C1R: variants seen among roughly 807,000 people sequenced by gnomAD.
The protein encoded by C1R is complement C1r.
A neutral mutation model predicts 27.6 loss-of-function variants in C1R; 15 were observed. The observed-to-expected ratio is 0.54, with a 90% CI of 0.36 to 0.84. The LOEUF (loss-of-function observed/expected upper bound fraction) is 0.84, where lower values mean the gene tolerates loss of function less well. Among genes scored for constraint, C1R ranks in the 40% least tolerant of loss-of-function variants. C1R has a pLI of 0.01. For missense variants in C1R, 544 were observed against 577.9 expected (o/e 0.94, Z 0.60); for synonymous variants, 253 against 228.8 (o/e 1.11, Z -0.95).
At position 7,089,880 on chromosome 12, in the gene C1R, G is replaced by T. The variant is rs757414596; in HGVS notation, c.425-147C>A. On this transcript the variant is annotated intron_variant, in intron 3 of 10. Transcript: ENST00000647956. ...TCCAGGCCTCTCCAATGCTCTCTGG[G>T]GACTGCTCCATGGGGACAGAGCCCA... 41 of 711,642 alleles carry T rather than the reference G, an allele frequency of 5.8e-5. 2 individuals carry two copies. In the South Asian group the frequency reaches 6.1e-4, roughly 11 times the overall value. 44.1% of individuals were successfully genotyped at this position (711,642 alleles called of 1,614,324 possible).
chr12:7,083,341 G>T (rs1938099102), intron 9 of C1R, among the ~76,000 whole-genome samples: 1 of 152,228 alleles, frequency 6.6e-6, no homozygotes, highest in Non-Finnish European at 1.5e-5. Flanking sequence ...TGTTGGTGGT[G>T]ATGGTGGTGT....
In C1R at chr12:7,082,021, T is replaced by G. The variant is rs1591587090; in HGVS notation, c.1348+11A>C. 6.5e-7 allele frequency: 1 copy of G among 1,536,064 alleles called. No homozygotes were observed. Among genetic ancestry groups the G allele is most frequent in the Non-Finnish European group, 8.7e-7 (1 of 1,146,214 alleles). Reference sequence around the variant, plus strand: ...AGACCCTGATGATGGCCCCAGAGGGTTTCCACTCACCTGGCAAGCACCGAG... The same window carrying G: ...AGACCCTGATGATGGCCCCAGAGGGGTTCCACTCACCTGGCAAGCACCGAG... On this transcript the variant is annotated intron_variant, in intron 10 of 10. Coordinates refer to ENST00000647956, the MANE Select transcript of C1R (RefSeq NM_001733.7).
At position 7,090,354 on chromosome 12, in the gene C1R, A is replaced by G. The variant is rs4332595; in HGVS notation, c.232-106T>C. ...TCTCGCCCAGAGTGCATCATGCACCACAATGGCTCTGGCTGGTCACTACCT... is the reference window on the plus strand; with the variant it reads ...TCTCGCCCAGAGTGCATCATGCACCGCAATGGCTCTGGCTGGTCACTACCT... On this transcript the variant is annotated intron_variant, in intron 2 of 10. Coordinates refer to ENST00000647956, the MANE Select transcript of C1R (RefSeq NM_001733.7). The G allele has an allele frequency of 0.36, 227,440 of 628,710 alleles. 42,355 individuals carry two copies. Among genetic ancestry groups the G allele is most frequent in the African/African-American group, 0.45 (24,743 of 54,786 alleles). 38.9% of individuals were successfully genotyped at this position (628,710 alleles called of 1,614,324 possible). A position where few individuals can be genotyped will look rare whatever the true frequency, so the allele number is the denominator to read the frequency against.
At position 7,081,073 on chromosome 12, in the gene C1R, A is replaced by G. The variant is rs772357482; in HGVS notation, c.1577T>C (p.Val526Ala). The change falls in exon 11 of 11, where the codon GTG (valine) becomes GCG (alanine). Residue 526 changes from valine to alanine, a missense_variant. This residue lies in a region of C1R where 253 missense variants were observed against 368.9 expected (regional missense o/e 0.69). Transcript: ENST00000647956. Reference protein sequence around the residue: ...SLDVFLGHTNVEELMKLGNHP... With the variant: ...SLDVFLGHTNAEELMKLGNHP... Reference sequence around the variant, plus strand: ...ATTTCCTAGCTTCATGAGCTCTTCCACATTTGTGTGGCCCAGGAACACATC... The same window carrying G: ...ATTTCCTAGCTTCATGAGCTCTTCCGCATTTGTGTGGCCCAGGAACACATC... The G allele has an allele frequency of 6.6e-5, 106 of 1,613,800 alleles. No homozygotes were observed. The highest frequency in any genetic ancestry group is 8.6e-5 in the Non-Finnish European group (102 of 1,179,878).
chr12:7,089,488 A>G lies in C1R; in HGVS notation c.573T>C (p.Ala191=), dbSNP rs1279844866. The G allele has an allele frequency of 6.4e-6, 5 of 776,616 alleles. No individual in the cohort carries two copies. In the African/African-American group the frequency reaches 8.5e-5, roughly 13 times the overall value. 48.1% of individuals were successfully genotyped at this position (776,616 alleles called of 1,614,324 possible). The change falls in exon 5 of 11, where the codon GCT becomes GCC. Residue 191 remains alanine (A), a splice_region_variant and synonymous_variant. Transcript: ENST00000647956. ...ELQEDRHSCQ[A]ECSSELYTEA... is the part of the protein sequence containing the mutation. ...CCGTGTACAGCTCGCTGCTGCACTC[A>G]GCTGTGAGAGCAGAGCCACAGGGCA...
Position 7,091,401 on chromosome 12 carries a change from T to C in C1R, c.231+51A>G. On this transcript the variant is annotated intron_variant, in intron 2 of 10. Coordinates refer to ENST00000647956, the MANE Select transcript of C1R (RefSeq NM_001733.7). This position sits in a 1 kb window ranked among gnomAD's most constrained non-coding sequence, Gnocchi z 5.1. ...GTGTGCATGCCATACAGATCCCAGA[T>C]CCCAGAGGGCCCAGTTTTGTCTCCC... 4.2e-6 allele frequency: 3 copies of C among 715,028 alleles called. No individual in the cohort carries two copies. Among genetic ancestry groups the C allele is most frequent in the Non-Finnish European group, 7.8e-6 (3 of 384,728 alleles). The allele number at this position is 715,028 out of a possible 1,614,324, so 44.3% of individuals were successfully genotyped here.
chr12:7,080,464 T>C lies in C1R; in HGVS notation c.*68A>G. 1 of 1,508,926 alleles carries C rather than the reference T, an allele frequency of 6.6e-7. No homozygotes were observed. Among genetic ancestry groups the C allele is most frequent in the Non-Finnish European group, 8.8e-7 (1 of 1,130,792 alleles). 93.5% of individuals were successfully genotyped at this position (1,508,926 alleles called of 1,614,324 possible). On this transcript the variant is annotated 3_prime_UTR_variant, in exon 11 of 11. Transcript: ENST00000647956. The surrounding 1 kb of genome is among the most constrained non-coding windows in gnomAD (Gnocchi z 4.9). ...GAGACTCTTAGTGGTTATCAACAAC[T>C]GGTCAGTTGTTTTTTGTTTTTTTTT...
rs371715543 is a variant in C1R, at chr12:7,089,346, G to T, written c.715C>A (p.Pro239Thr). The change falls in exon 5 of 11, where the codon CCT becomes ACT. Residue 239 changes from proline (P) to threonine (T), a missense_variant. This residue lies in a region of C1R where 291 missense variants were observed against 209.0 expected (regional missense o/e 1.39). Transcript: ENST00000647956. The part of the protein sequence containing the change: ...GLTLHLKFLE[P>T]FDIDDHQQVH... ...TGCTGGTGGTCATCAATATCAAAAG[G>T]CTCCAGGAACTTGAGGTGCAGGGTG... The T allele has an allele frequency of 5.1e-6, 4 of 780,472 alleles. No homozygotes were observed. Among genetic ancestry groups the T allele is most frequent in the African/African-American group, 3.4e-5 (2 of 59,098 alleles). The allele number at this position is 780,472 out of a possible 1,614,324, so 48.3% of individuals were successfully genotyped here.
chr12:7,083,012 CT>C (rs1938090438), intron 9 of C1R, among the ~76,000 whole-genome samples: 1 of 152,100 alleles, frequency 6.6e-6, no homozygotes, highest in East Asian at 1.9e-4. Flanking sequence ...GATTTTTTCC[CT>C]TTTTTCTGTG....
chr12:7,089,763 C>T (rs374722868), intron 3 of C1R, 30 bp from the exon 4 acceptor site: 2 of 777,470 alleles, frequency 2.6e-6, no homozygotes, highest in African/African-American at 3.4e-5. Context: ...GAGGGTTAAG[C>T]TTCTGCTGGG....
Position 7,088,641 on chromosome 12 carries a change from G to A in C1R, c.1007C>T (p.Ala336Val). The change falls in exon 7 of 11, where the codon GCT becomes GTT. Residue 336 changes from alanine to valine, a missense_variant. Around this residue, in one of 2 missense-constraint regions of C1R, gnomAD observed 291 missense variants for 209.0 expected, o/e 1.39. Transcript: ENST00000647956. Reference sequence around the variant, plus strand: ...GAGCTGGTAGCCTTGCTTGCAGGTAGCAATGAAGTAGTCACGGAACTGGTA... The same window carrying A: ...GAGCTGGTAGCCTTGCTTGCAGGTAACAATGAAGTAGTCACGGAACTGGTA... ...PQYQFRDYFIATCKQGYQLIE... is the reference protein window; with the variant it reads ...PQYQFRDYFIVTCKQGYQLIE... 1.4e-6 allele frequency: 1 copy of A among 737,516 alleles called. No homozygotes were observed. 45.7% of individuals were successfully genotyped at this position (737,516 alleles called of 1,614,324 possible).
intron 5 of C1R, 24 bp from the exon 6 acceptor site, chr12:7,089,010 T>A (rs147464671): frequency 0.03 from 21,276 of 705,386 alleles, 441 homozygotes; most frequent in Non-Finnish European, 0.036. Context: ...AGGGTTTTTT[T>A]TTTTCAGCTT....
At position 7,080,449 on chromosome 12, in the gene C1R, G is replaced by T. The variant is rs931405063; in HGVS notation, c.*83C>A. 6.6e-7 allele frequency: 1 copy of T among 1,504,186 alleles called. No individual in the cohort carries two copies. 93.2% of individuals were successfully genotyped at this position (1,504,186 alleles called of 1,614,324 possible). On this transcript the variant is annotated 3_prime_UTR_variant, in exon 11 of 11. Transcript: ENST00000647956. This position sits in a 1 kb window ranked among gnomAD's most constrained non-coding sequence, Gnocchi z 4.9. The stretch of plus-strand genomic sequence containing the variant: ...TCAGTAATTTTAATAGAGACTCTTA[G>T]TGGTTATCAACAACTGGTCAGTTGT...
intron 9 of C1R, among the ~76,000 whole-genome samples, chr12:7,085,385 ATGG>A (rs1938137631): frequency 2.1e-5 from 3 of 141,530 alleles, no homozygotes; most frequent in Non-Finnish European, 3.1e-5. Context: ...GGTGGTGGTG[ATGG>A]TGGCATCGGT....
At chr12:7,088,488 A>G in intron 7 of C1R, 122 bp downstream of exon 7, 1 of 714,942 alleles carries the variant, frequency 1.4e-6, no homozygotes, top group Non-Finnish European at 2.6e-6. Flanking sequence ...GGACCAGGAG[A>G]CTCTTCCAGC....
rs752532734 is a variant in C1R, at chr12:7,089,326, G to A, written c.735C>T (p.His245=). 45 of 780,452 alleles carry A rather than the reference G, an allele frequency of 5.8e-5. No individual in the cohort carries two copies. Among genetic ancestry groups the A allele is most frequent in the Non-Finnish European group, 1.1e-4 (44 of 417,920 alleles). The allele number at this position is 780,452 out of a possible 1,614,324, so 48.3% of individuals were successfully genotyped here. Residue 245 remains histidine, a synonymous_variant, in exon 5 of 11, where the codon CAC becomes CAT. Coordinates refer to ENST00000647956, the MANE Select transcript of C1R (RefSeq NM_001733.7). ...KFLEPFDIDD[H]QQVHCPYDQL... is the part of the protein sequence containing the mutation. ...GGTCATAGGGGCAGTGTACTTGCTG[G>A]TGGTCATCAATATCAAAAGGCTCCA...
intron 10 of C1R, among the ~76,000 whole-genome samples, 195 bp from the exon 11 acceptor site, chr12:7,081,496 T>C (rs1424338136): frequency 1.3e-5 from 2 of 150,172 alleles, no homozygotes; most frequent in African/African-American, 4.9e-5. Flanking sequence ...TTTTTTTAAA[T>C]TATTATTTTT....
In C1R at chr12:7,089,699, C is replaced by A. The variant is rs759722177; in HGVS notation, c.459G>T (p.Gly153=). The A allele has an allele frequency of 3.8e-6, 3 of 780,900 alleles. No homozygotes were observed. Among genetic ancestry groups the A allele is most frequent in the Non-Finnish European group, 7.2e-6 (3 of 417,988 alleles). The allele number at this position is 780,900 out of a possible 1,614,324, so 48.4% of individuals were successfully genotyped here. A position where few individuals can be genotyped will look rare whatever the true frequency, so the allele number is the denominator to read the frequency against. Residue 153 remains glycine (G), a synonymous_variant, in exon 4 of 11, where the codon GGG becomes GGT. Transcript: ENST00000647956. ...GGCACTGGGGCTGGGGATCCTCCTC[C>A]CCTGATTTGCTCCGGGAAGCACATT... The part of the protein sequence containing the change: ...LDECASRSKS[G]EEDPQPQCQH...
chr12:7,086,491 C>T, intron 7 of C1R, 34 bp from the exon 8 acceptor site: 1 of 398,608 alleles, frequency 2.5e-6, no homozygotes, highest in Non-Finnish European at 4.4e-6. Context: ...CCATCAGTGC[C>T]AAGAGGCAAT....
Sources: gnomAD v4.1 joint callset for allele counts (sites outside exome capture counted in the v4.1 genomes callset) on GRCh38, gnomAD v4.1.1 for gene constraint, gnomAD v4.1.1 regional missense constraint, Gnocchi (gnomAD v3.1) non-coding constraint, MANE v1.5 for transcripts, NCBI Gene and HGNC (gene_info 2026-07-23, HGNC 2026-07-21) for gene names.